The following LRP1B variants were observed in gnomAD, a reference collection of about 807,000 sequenced individuals.
The protein encoded by LRP1B is LDL receptor related protein 1B.
LRP1B carries 217 observed loss-of-function variants against 556.6 expected under a neutral mutation model. That is an observed-to-expected ratio of 0.39 (90% CI 0.35 to 0.44). The LOEUF (loss-of-function observed/expected upper bound fraction) is 0.44, where lower values mean the gene tolerates loss of function less well. Ranked by LOEUF, LRP1B falls within the 20% of genes least tolerant of loss-of-function variation. LRP1B has a pLI of 1.00. For missense variants in LRP1B, 5,053 were observed against 5,620.8 expected (o/e 0.90, Z 3.23); for synonymous variants, 2,047 against 1,865.8 (o/e 1.10, Z -2.50).
chr2:141,095,818 G>A (rs937545881), intron 7 of LRP1B, among the ~76,000 whole-genome samples: 14 of 152,092 alleles, frequency 9.2e-5, no homozygotes, highest in East Asian at 7.8e-4. Context: ...AGGTGTCTGC[G>A]TATTGGTTCC....
intron 2 of LRP1B, among the ~76,000 whole-genome samples, chr2:141,789,232 G>A (rs999459875): frequency 6.6e-6 from 1 of 151,892 alleles, no homozygotes; most frequent in African/African-American, 2.4e-5. Flanking sequence ...TAGGAGGGGG[G>A]TGTCCAGTTT....
chr2:141,900,590 T>C (rs1224967629), intron 1 of LRP1B, among the ~76,000 whole-genome samples: 1 of 152,080 alleles, frequency 6.6e-6, no homozygotes. Context: ...CCTCATTTAC[T>C]CATTGCCATG....
chr2:141,180,406 T>C (rs543332558), intron 7 of LRP1B, among the ~76,000 whole-genome samples: 4 of 152,066 alleles, frequency 2.6e-5, no homozygotes, highest in African/African-American at 9.6e-5. Context: ...ATTATTCTTT[T>C]ATGCTATTTG....
At chr2:140,971,566 G>A (rs559775462) in intron 18 of LRP1B, among the ~76,000 whole-genome samples, 105 of 152,256 alleles carry the variant, frequency 6.9e-4, no homozygotes, top group African/African-American at 2.2e-3. Flanking sequence ...GGCCAGGTGC[G>A]GTGTCTCATG....
intron 87 of LRP1B, among the ~76,000 whole-genome samples, chr2:140,242,027 A>G (rs1439210545): frequency 6.6e-6 from 1 of 150,902 alleles, no homozygotes; most frequent in Non-Finnish European, 1.5e-5. Flanking sequence ...ACATTTTTCC[A>G]TTAGAAGAAA....
At chr2:140,686,752 T>C (rs539673938) in intron 41 of LRP1B, among the ~76,000 whole-genome samples, 1 of 152,064 alleles carries the variant, frequency 6.6e-6, no homozygotes, top group Admixed American at 6.6e-5. Context: ...GTATAAATCA[T>C]TATAATGATT....
chr2:141,852,022 T>A (rs986958257), intron 1 of LRP1B, among the ~76,000 whole-genome samples: 4 of 151,774 alleles, frequency 2.6e-5, no homozygotes, highest in African/African-American at 9.7e-5. Flanking sequence ...CATAATCCTA[T>A]CAAATAAAGT....
chr2:140,819,907 C>T (rs576037546), intron 31 of LRP1B, among the ~76,000 whole-genome samples: 1 of 152,276 alleles, frequency 6.6e-6, no homozygotes, highest in African/African-American at 2.4e-5. Flanking sequence ...ATTCAGCACA[C>T]TAATGCAATA....
chr2:140,681,662 A>AT (rs1349618299), intron 41 of LRP1B, among the ~76,000 whole-genome samples: 1 of 152,196 alleles, frequency 6.6e-6, no homozygotes, highest in Non-Finnish European at 1.5e-5. Flanking sequence ...GGAGGTAATA[A>AT]TTTCAGATTT....
intron 1 of LRP1B, among the ~76,000 whole-genome samples, chr2:142,125,938 T>C (rs1298130791): frequency 6.6e-6 from 1 of 151,900 alleles, no homozygotes; most frequent in Non-Finnish European, 1.5e-5. Flanking sequence ...CCAGGTTTCT[T>C]GAAGAAATTT....
chr2:141,017,934 G>A (rs1453859176), intron 12 of LRP1B, among the ~76,000 whole-genome samples: 6 of 151,306 alleles, frequency 4.0e-5, no homozygotes, highest in East Asian at 3.9e-4. Context: ...CCAGGCTATC[G>A]AGGCTGTCGT....
intron 83 of LRP1B, among the ~76,000 whole-genome samples, chr2:140,312,120 T>G (rs1684329622): frequency 6.6e-6 from 1 of 151,936 alleles, no homozygotes; most frequent in African/African-American, 2.4e-5. Context: ...CAGAGAGAGC[T>G]ACAATGACAG....
chr2:142,006,299 G>T (rs1197509334), intron 1 of LRP1B, among the ~76,000 whole-genome samples: 2 of 152,038 alleles, frequency 1.3e-5, no homozygotes, highest in Non-Finnish European at 2.9e-5. Flanking sequence ...CAATAGAAGG[G>T]TTAATCAAAA....
In LRP1B at chr2:140,623,956, G is replaced by GTGTGTATATATATATATATA. The variant is rs1339496296; in HGVS notation, c.6800-22318_6800-22317insTATATATATATATATACACA. The stretch of plus-strand genomic sequence containing the variant: ...AAAATATATATTATATTTTATTTAT[G>GTGTGTATATATATATATATA]TATATATATATATATATAGCTTAGT... On this transcript the variant is annotated intron_variant, in intron 41 of 90. Coordinates refer to ENST00000389484, the MANE Select transcript of LRP1B (RefSeq NM_018557.3). 2.4e-3 allele frequency among the ~76,000 whole-genome samples: 253 copies of GTGTGTATATATATATATATA among 106,430 alleles called. 5 individuals carry two copies. The highest frequency in any genetic ancestry group is 5.3e-3 in the Middle Eastern group (1 of 188). The allele number at this position is 106,430 out of a possible 152,430, so 69.8% of individuals were successfully genotyped here.
chr2:140,727,095 T>C (rs1473078250), intron 35 of LRP1B, among the ~76,000 whole-genome samples: 4 of 152,212 alleles, frequency 2.6e-5, no homozygotes, highest in Non-Finnish European at 4.4e-5. Context: ...TCTGTGTGTA[T>C]ATTAAATCAT....
intron 3 of LRP1B, among the ~76,000 whole-genome samples, chr2:141,291,684 G>A (rs190121301): frequency 0.01 from 1,575 of 151,764 alleles, 25 homozygotes; most frequent in Non-Finnish European, 0.012. Flanking sequence ...GTGAAACCCC[G>A]TCTCTACTGA....
At chr2:141,570,678 T>C (rs1051574929) in intron 2 of LRP1B, among the ~76,000 whole-genome samples, 1 of 151,236 alleles carries the variant, frequency 6.6e-6, no homozygotes, top group African/African-American at 2.4e-5. Context: ...AAGGGCGGCA[T>C]CCATCTCTAT....
At chr2:140,495,013 G>T (rs1378472124) in intron 56 of LRP1B, among the ~76,000 whole-genome samples, 9 of 151,924 alleles carry the variant, frequency 5.9e-5, no homozygotes, top group Admixed American at 5.9e-4. Flanking sequence ...AAAGTTATGG[G>T]CCATGCTTTA....
At chr2:141,240,985 C>CA (rs1297253737) in intron 5 of LRP1B, among the ~76,000 whole-genome samples, 1 of 151,960 alleles carries the variant, frequency 6.6e-6, no homozygotes, top group African/African-American at 2.4e-5. Flanking sequence ...TTAAAAATGT[C>CA]AAAAACGGTG....
Sources: gnomAD v4.1 joint callset for allele counts (sites outside exome capture counted in the v4.1 genomes callset) on GRCh38, gnomAD v4.1.1 for gene constraint, MANE v1.5 for transcripts, NCBI Gene and HGNC (gene_info 2026-07-23, HGNC 2026-07-21) for gene names.